Variants in SUPT3H observed in about 807,000 individuals in gnomAD.
SUPT3H encodes the protein transcription initiation protein SPT3 homolog.
A neutral mutation model predicts 44.3 loss-of-function variants in SUPT3H; 44 were observed. The ratio of observed to expected loss-of-function variants is 0.99; its 90% CI spans 0.78 to 1.28. The LOEUF is 1.28. SUPT3H is among the 50% of genes most tolerant of loss of function. The pLI is 0.00. For synonymous variants in SUPT3H, 124 were observed against 125.6 expected, an observed-to-expected ratio of 0.99 and a Z score of 0.09; for missense variants, 380 against 387.1, an observed-to-expected ratio of 0.98 and a Z score of 0.15.
Position 45,327,139 on chromosome 6 carries a change from T to C in SUPT3H, c.101+38062A>G, listed in dbSNP as rs73735372. The stretch of plus-strand genomic sequence containing the variant: ...TTGTCCAAAGGGGCAAAAAAGGAGA[T>C]AGTTTCCCAAAGATGTTTCCAATTT... On this transcript the variant is annotated intron_variant, in intron 2 of 10. Transcript: ENST00000371459. Among the ~76,000 whole-genome samples the C allele has an allele frequency of 3.9e-3, 598 of 152,092 alleles. 7 individuals are homozygous for C. Among genetic ancestry groups the C allele is most frequent in the African/African-American group, 0.014 (567 of 41,546 alleles).
intron 2 of SUPT3H, among the ~76,000 whole-genome samples, chr6:45,232,099 G>A (rs1768168590): frequency 6.6e-6 from 1 of 152,002 alleles, no homozygotes; most frequent in Non-Finnish European, 1.5e-5. Flanking sequence ...GGGATCTATT[G>A]CTGAGGGATT....
chr6:45,238,270 CA>C (rs1167098059), intron 2 of SUPT3H, among the ~76,000 whole-genome samples: 1 of 152,172 alleles, frequency 6.6e-6, no homozygotes, highest in African/African-American at 2.4e-5. Flanking sequence ...TAGCTCCTGA[CA>C]AAATTCAGAC....
intron 10 of SUPT3H, among the ~76,000 whole-genome samples, chr6:44,884,776 T>G (rs1023279431): frequency 6.6e-6 from 1 of 152,100 alleles, no homozygotes; most frequent in Non-Finnish European, 1.5e-5. Flanking sequence ...GGTCAGTGGG[T>G]GCAGCACACT....
At chr6:45,308,230 A>T (rs4278013) in intron 2 of SUPT3H, among the ~76,000 whole-genome samples, 4 of 152,164 alleles carry the variant, frequency 2.6e-5, no homozygotes, top group Non-Finnish European at 4.4e-5. Context: ...AACATGCAAA[A>T]TCAGGAAATA....
intron 2 of SUPT3H, among the ~76,000 whole-genome samples, chr6:45,278,393 T>C (rs1777379331): frequency 6.6e-6 from 1 of 152,230 alleles, no homozygotes; most frequent in South Asian, 2.1e-4. Flanking sequence ...ATGTTAAGTA[T>C]AAACTGTTGC....
intron 2 of SUPT3H, among the ~76,000 whole-genome samples, chr6:45,330,764 G>C (rs778122933): frequency 6.6e-6 from 1 of 151,322 alleles, no homozygotes; most frequent in Non-Finnish European, 1.5e-5. Context: ...CTTTTGAAAA[G>C]TGGGCTGCAC....
At chr6:45,218,527 C>T (rs772941820) in intron 2 of SUPT3H, among the ~76,000 whole-genome samples, 1 of 152,086 alleles carries the variant, frequency 6.6e-6, no homozygotes, top group African/African-American at 2.4e-5. Flanking sequence ...GTCGGGAGTT[C>T]GAGACCAGCC....
intron 2 of SUPT3H, among the ~76,000 whole-genome samples, chr6:45,341,495 T>C (rs566067444): frequency 2.0e-5 from 3 of 152,316 alleles, no homozygotes; most frequent in African/African-American, 7.2e-5. Flanking sequence ...TAAATACATA[T>C]GCAAGTATAA....
intron 3 of SUPT3H, among the ~76,000 whole-genome samples, chr6:45,065,975 T>C (rs915963846): frequency 7.2e-6 from 1 of 139,802 alleles, no homozygotes; most frequent in African/African-American, 2.7e-5. Flanking sequence ...CCAGCATCAT[T>C]CTGATACCAA....
At chr6:45,018,514 A>G (rs1294846827) in intron 4 of SUPT3H, among the ~76,000 whole-genome samples, 1 of 152,152 alleles carries the variant, frequency 6.6e-6, no homozygotes, top group Non-Finnish European at 1.5e-5. Context: ...ATTTTGAGAT[A>G]TGTCCCATTA....
Position 44,831,896 on chromosome 6 carries a change from G to T in SUPT3H, c.913-2039C>A, listed in dbSNP as rs544720766. On this transcript the variant is annotated intron_variant, in intron 10 of 10. Transcript: ENST00000371459. ...ATTTATCACTGCTTTGCAAACAAAA[G>T]ATTTTTTTTTAATAACTTATTTAAT... Among the ~76,000 whole-genome samples the T allele has an allele frequency of 7.9e-5, 12 of 152,096 alleles. No individual in the cohort carries two copies. In the East Asian group the frequency reaches 1.3e-3, roughly 17 times the overall value.
At chr6:45,072,808 G>T (rs951701183) in intron 3 of SUPT3H, among the ~76,000 whole-genome samples, 1 of 151,830 alleles carries the variant, frequency 6.6e-6, no homozygotes, top group East Asian at 1.9e-4. Flanking sequence ...AAAGCTCCTG[G>T]GTTTTAATCT....
At chr6:44,863,870 C>G (rs141271708) in intron 10 of SUPT3H, among the ~76,000 whole-genome samples, 3 of 152,012 alleles carry the variant, frequency 2.0e-5, no homozygotes, top group African/African-American at 7.2e-5. Flanking sequence ...ACAGGTTTCC[C>G]TTTATCAAAC....
intron 3 of SUPT3H, among the ~76,000 whole-genome samples, chr6:45,047,280 T>C (rs1224121350): frequency 6.6e-6 from 1 of 152,216 alleles, no homozygotes; most frequent in African/African-American, 2.4e-5. Flanking sequence ...CTTGTTCTCA[T>C]TCTTAAGGTG....
intron 2 of SUPT3H, among the ~76,000 whole-genome samples, chr6:45,154,436 AATCTC>A (rs1358704331): frequency 6.6e-6 from 1 of 152,158 alleles, no homozygotes; most frequent in Non-Finnish European, 1.5e-5. Flanking sequence ...TCCTCCCAAG[AATCTC>A]ATCAAATAAT....
At chr6:44,984,945 T>A (rs887696552) in intron 6 of SUPT3H, among the ~76,000 whole-genome samples, 2 of 151,320 alleles carry the variant, frequency 1.3e-5, no homozygotes, top group African/African-American at 4.8e-5. Flanking sequence ...AATACTAGTT[T>A]TCTGTTCCCA....
chr6:45,162,225 A>AAAGAAG (rs139564646), intron 2 of SUPT3H, among the ~76,000 whole-genome samples: 2 of 152,078 alleles, frequency 1.3e-5, no homozygotes, highest in African/African-American at 4.8e-5. Context: ...CTCATTAAAA[A>AAAGAAG]AAGAAGAAGA....
At chr6:45,221,827 A>G (rs1766108757) in intron 2 of SUPT3H, among the ~76,000 whole-genome samples, 2 of 152,186 alleles carry the variant, frequency 1.3e-5, no homozygotes, top group African/African-American at 2.4e-5. Flanking sequence ...AGCTAAAACA[A>G]TCTTATAAAA....
chr6:45,192,676 CCTTA>C (rs1318321230), intron 2 of SUPT3H, among the ~76,000 whole-genome samples: 2 of 151,988 alleles, frequency 1.3e-5, no homozygotes, highest in African/African-American at 2.4e-5. Flanking sequence ...AGCAAAGATT[CCTTA>C]CTTAATATTT....
Sources: gnomAD v4.1 joint callset for allele counts (sites outside exome capture counted in the v4.1 genomes callset) on GRCh38, gnomAD v4.1.1 for gene constraint, MANE v1.5 for transcripts, NCBI Gene and HGNC (gene_info 2026-07-23, HGNC 2026-07-21) for gene names.